Variants in TANC2 observed in about 807,000 individuals in gnomAD.
TANC2 encodes tetratricopeptide repeat, ankyrin repeat and coiled-coil containing 2, also known as protein TANC2.
A neutral mutation model predicts 210.5 loss-of-function variants in TANC2; 26 were observed. The ratio of observed to expected loss-of-function variants is 0.12; its 90% CI spans 0.09 to 0.17. TANC2 has a LOEUF of 0.17. Among genes scored for constraint, TANC2 ranks in the 10% least tolerant of loss-of-function variants. The probability of loss-of-function intolerance (pLI) is 1.00; values close to 1 mark genes in which losing one functional copy is unlikely to be tolerated. For missense variants in TANC2, 2,129 were observed against 2,608.9 expected (o/e 0.82, Z 4.01); for synonymous variants, 931 against 967.1 (o/e 0.96, Z 0.69).
intron 7 of TANC2, among the ~76,000 whole-genome samples, chr17:63,229,943 C>T (rs1046057731): frequency 6.6e-6 from 1 of 151,638 alleles, no homozygotes; most frequent in South Asian, 2.1e-4. Context: ...ACAGGTGTGT[C>T]CCACCATGCC....
intron 4 of TANC2, among the ~76,000 whole-genome samples, chr17:63,102,072 A>G (rs913753382): frequency 6.6e-6 from 1 of 152,188 alleles, no homozygotes; most frequent in Non-Finnish European, 1.5e-5. Context: ...AGGCCGAGGC[A>G]GGAAGATTGC....
chr17:63,415,504 T>G (rs1459253313), intron 25 of TANC2, 24 bp from the exon 26 acceptor site: 1 of 1,611,364 alleles, frequency 6.2e-7, no homozygotes, highest in Admixed American at 1.7e-5. Flanking sequence ...AACTGTGTGT[T>G]TCGCCATCTT....
intron 9 of TANC2, 87 bp from the exon 10 acceptor site, chr17:63,314,301 C>A: frequency 6.8e-7 from 1 of 1,466,338 alleles, no homozygotes; most frequent in Non-Finnish European, 9.3e-7. Context: ...TAACTCAAGT[C>A]CCTAAACCAC....
At chr17:63,136,450 A>G (rs2039091774) in intron 4 of TANC2, among the ~76,000 whole-genome samples, 1 of 152,206 alleles carries the variant, frequency 6.6e-6, no homozygotes, top group East Asian at 1.9e-4. Flanking sequence ...TAGATGAAGG[A>G]CATGAACAGA....
chr17:63,388,840 G>C, intron 16 of TANC2, 83 bp downstream of exon 16: 1 of 1,059,440 alleles, frequency 9.4e-7, no homozygotes, highest in East Asian at 2.9e-5. Flanking sequence ...TAGCTATTTA[G>C]TTGATCTTTG....
intron 7 of TANC2, among the ~76,000 whole-genome samples, chr17:63,218,492 A>G (rs1344000126): frequency 1.3e-5 from 2 of 152,196 alleles, no homozygotes; most frequent in Non-Finnish European, 2.9e-5. Context: ...GAATAAAGTA[A>G]GTAAATAAAA....
intron 11 of TANC2, 105 bp downstream of exon 11, chr17:63,319,195 T>G: frequency 1.7e-6 from 2 of 1,153,074 alleles, no homozygotes; most frequent in Non-Finnish European, 2.4e-6. Context: ...CGTAAAGCTA[T>G]ACCATGAGAA....
At chr17:63,042,280 A>T (rs544465410) in intron 2 of TANC2, among the ~76,000 whole-genome samples, 2 of 152,222 alleles carry the variant, frequency 1.3e-5, no homozygotes, top group South Asian at 4.1e-4. Context: ...AATGAATAAT[A>T]TTGAAAGGAA....
chr17:63,323,700 C>G (rs1313384646), intron 11 of TANC2, among the ~76,000 whole-genome samples: 2 of 152,178 alleles, frequency 1.3e-5, no homozygotes, highest in African/African-American at 4.8e-5. Flanking sequence ...TTTACCTTAA[C>G]CCTATGAGGT....
At chr17:63,358,132 A>G (rs2046831187) in intron 14 of TANC2, among the ~76,000 whole-genome samples, 1 of 152,230 alleles carries the variant, frequency 6.6e-6, no homozygotes, top group Non-Finnish European at 1.5e-5. Flanking sequence ...CTGAGCTGAA[A>G]AGAGTCAGTA....
At position 63,156,846 on chromosome 17, in the gene TANC2, A is replaced by G. The variant is rs532812187; in HGVS notation, c.433+5466A>G. Among the ~76,000 whole-genome samples, 7 of 152,104 alleles carry G rather than the reference A, an allele frequency of 4.6e-5. No individual in the cohort carries two copies. In the South Asian group the frequency reaches 1.0e-3, roughly 23 times the overall value. ...GTAGCTGGGACTACAGACTCATGCCACCACACCTGTTTAATTTTTATTTTT... is the reference window on the plus strand; with the variant it reads ...GTAGCTGGGACTACAGACTCATGCCGCCACACCTGTTTAATTTTTATTTTT... On this transcript the variant is annotated intron_variant, in intron 5 of 27. Transcript: ENST00000689528.
chr17:63,274,773 G>A (rs1488271033), intron 9 of TANC2, among the ~76,000 whole-genome samples: 3 of 152,100 alleles, frequency 2.0e-5, no homozygotes, highest in Non-Finnish European at 2.9e-5. Flanking sequence ...AGCCAAGATC[G>A]TGCCACTACA....
intron 3 of TANC2, among the ~76,000 whole-genome samples, chr17:63,091,930 C>T (rs1335908044): frequency 6.6e-6 from 1 of 152,076 alleles, no homozygotes; most frequent in Non-Finnish European, 1.5e-5. Context: ...TCCTTCATAT[C>T]CCTTGTAAGT....
intron 17 of TANC2, among the ~76,000 whole-genome samples, chr17:63,393,804 CTT>C (rs766101341): frequency 8.1e-5 from 12 of 148,728 alleles, no homozygotes; most frequent in Non-Finnish European, 1.5e-4. Context: ...GAGTTTCACT[CTT>C]GTCGCCCAGG....
chr17:62,974,449 TAGGC>T lies in TANC2; in HGVS notation c.-24+7703_-24+7706del, dbSNP rs571495436. 3.3e-4 allele frequency among the ~76,000 whole-genome samples: 51 copies of T among 152,328 alleles called. No individual in the cohort carries two copies. In the South Asian group the frequency reaches 0.01, roughly 30 times the overall value. On this transcript the variant is annotated intron_variant, in intron 1 of 27. Coordinates refer to ENST00000689528, the Ensembl canonical transcript of TANC2. ...ACCTTGATTTTGTATATTAGTTTGT[TAGGC>T]AGACACCTTGTGTGTAAAGTTTAAA... is the stretch of plus-strand genomic sequence containing the variant.
chr17:63,147,117 A>G (rs556786961), intron 4 of TANC2, among the ~76,000 whole-genome samples: 28 of 152,144 alleles, frequency 1.8e-4, no homozygotes, highest in South Asian at 1.7e-3. Context: ...AAATCTTTTG[A>G]GTCCAAGGAG....
At chr17:63,248,261 A>G (rs2042968781) in intron 8 of TANC2, among the ~76,000 whole-genome samples, 1 of 152,026 alleles carries the variant, frequency 6.6e-6, no homozygotes, top group Non-Finnish European at 1.5e-5. Flanking sequence ...CCGATGCTAA[A>G]TCTCTGGTGA....
chr17:63,091,185 C>A lies in TANC2; in HGVS notation c.140-7990C>A, dbSNP rs148431611. 8.9e-4 allele frequency among the ~76,000 whole-genome samples: 131 copies of A among 147,498 alleles called. 1 individual carries two copies. The highest frequency in any genetic ancestry group is 2.7e-3 in the African/African-American group (107 of 39,634). Reference sequence around the variant, plus strand: ...TGCCTGTTCACTCTGATAGTGGTTTCTTTTGCTGTGCAGAAGCTCCTTAGT... The same window carrying A: ...TGCCTGTTCACTCTGATAGTGGTTTATTTTGCTGTGCAGAAGCTCCTTAGT... On this transcript the variant is annotated intron_variant, in intron 3 of 27. Transcript: ENST00000689528.
intron 9 of TANC2, among the ~76,000 whole-genome samples, chr17:63,270,913 C>T (rs1445577648): frequency 6.6e-6 from 1 of 152,108 alleles, no homozygotes; most frequent in Non-Finnish European, 1.5e-5. Context: ...TGAGAACATG[C>T]GGCATTTGGT....
Sources: gnomAD v4.1 joint callset for allele counts (sites outside exome capture counted in the v4.1 genomes callset) on GRCh38, gnomAD v4.1.1 for gene constraint, MANE v1.5 for transcripts, NCBI Gene and HGNC (gene_info 2026-07-23, HGNC 2026-07-21) for gene names.